The following CDC42EP4 variants were observed in gnomAD, a reference collection of about 807,000 sequenced individuals.
The protein encoded by CDC42EP4 is CDC42 effector protein (Rho GTPase binding) 4.
A neutral mutation model predicts 5.6 loss-of-function variants in CDC42EP4; 6 were observed. The ratio of observed to expected loss-of-function variants is 1.07; its 90% confidence interval spans 0.59 to 2.12. CDC42EP4 has a LOEUF of 2.12. Ranked by LOEUF, CDC42EP4 falls within the 30% of genes most tolerant of loss-of-function variation. CDC42EP4 has a pLI of 0.00. For synonymous variants in CDC42EP4, 230 were observed against 224.2 expected, an observed-to-expected ratio of 1.03 and a Z score of -0.23; for missense variants, 490 against 508.6, an observed-to-expected ratio of 0.96 and a Z score of 0.35.
At chr17:73,301,058 A>T (rs1196097101) in intron 1 of CDC42EP4, among the ~76,000 whole-genome samples, 1 of 131,802 alleles carries the variant, frequency 7.6e-6, no homozygotes, top group Admixed American at 8.0e-5. Context: ...AAAAAAATTA[A>T]AAAAAAAAAA....
intron 1 of CDC42EP4, among the ~76,000 whole-genome samples, chr17:73,297,471 C>G (rs1209323435): frequency 6.6e-6 from 1 of 151,418 alleles, no homozygotes; most frequent in Non-Finnish European, 1.5e-5. Flanking sequence ...GAGACTCTGT[C>G]TCAAAAAAAA....
intron 1 of CDC42EP4, among the ~76,000 whole-genome samples, chr17:73,303,689 C>T (rs1019235989): frequency 2.0e-5 from 3 of 151,590 alleles, no homozygotes; most frequent in African/African-American, 7.3e-5. Flanking sequence ...AAATTAATTC[C>T]CCCTTCCTTT....
chr17:73,304,890 G>A lies in CDC42EP4; in HGVS notation c.-113+7003C>T, dbSNP rs570761323. On this transcript the variant is annotated intron_variant, in intron 1 of 1. Coordinates refer to ENST00000335793, the MANE Select transcript of CDC42EP4 (RefSeq NM_012121.5). Reference sequence around the variant, plus strand: ...AGCCCAACACCCCAGGTCCATCCAGGGGAGCCTCCTGCTCCTTGTGGGCTG... The same window carrying A: ...AGCCCAACACCCCAGGTCCATCCAGAGGAGCCTCCTGCTCCTTGTGGGCTG... Among the ~76,000 whole-genome samples, 16 of 152,256 alleles carry A rather than the reference G, an allele frequency of 1.1e-4. No homozygotes were observed. In the South Asian group the frequency reaches 3.3e-3, roughly 32 times the overall value.
intron 1 of CDC42EP4, among the ~76,000 whole-genome samples, chr17:73,295,170 A>AT (rs1445294740): frequency 6.6e-6 from 1 of 152,140 alleles, no homozygotes; most frequent in Non-Finnish European, 1.5e-5. Context: ...ACTGTGTCAC[A>AT]TGACTCCCAC....
At chr17:73,294,266 C>T (rs535052081) in intron 1 of CDC42EP4, among the ~76,000 whole-genome samples, 2 of 152,102 alleles carry the variant, frequency 1.3e-5, no homozygotes, top group Non-Finnish European at 2.9e-5. Flanking sequence ...CAGGGAGAAT[C>T]GCTTGAACCC....
chr17:73,308,879 C>CA (rs920582466), intron 1 of CDC42EP4, among the ~76,000 whole-genome samples: 40 of 147,996 alleles, frequency 2.7e-4, no homozygotes, highest in African/African-American at 9.0e-4. Context: ...TACTAAAATA[C>CA]AAAAAAAAAT....
rs774101075 is a variant in CDC42EP4 at position 73,286,326 on chromosome 17, C to T, written c.175G>A (p.Glu59Lys). The change falls in exon 2 of 2, where the codon GAG becomes AAG. Residue 59 changes from glutamate to lysine, a missense_variant. Physicochemically the swap from Glu to Lys is moderately conservative, Grantham distance 56. Coordinates refer to ENST00000335793, the MANE Select transcript of CDC42EP4 (RefSeq NM_012121.5). The surrounding 1 kb of genome is among the most constrained non-coding windows in gnomAD (Gnocchi z 7.7). ...TCGTCCAAGGACTCGCCGTCGGGCT[C>T]GCCAGCCTTGCTATTGAGGAAGGAG... Reference protein sequence around the residue: ...DTSFLNSKAGEPDGESLDEQP... With the variant: ...DTSFLNSKAGKPDGESLDEQP... 14 of 1,614,150 alleles carry T rather than the reference C, an allele frequency of 8.7e-6. No individual in the cohort carries two copies. Among genetic ancestry groups the T allele is most frequent in the Admixed American group, 1.7e-5 (1 of 60,034 alleles).
At chr17:73,309,725 A>T (rs2062263693) in intron 1 of CDC42EP4, 1 of 152,374 alleles carries the variant, frequency 6.6e-6, no homozygotes, top group Admixed American at 6.5e-5. Context: ...GACTTCAGGG[A>T]GATTTCAGAG....
intron 1 of CDC42EP4, among the ~76,000 whole-genome samples, chr17:73,300,382 G>A (rs2062212186): frequency 6.6e-6 from 1 of 152,186 alleles, no homozygotes; most frequent in South Asian, 2.1e-4. Context: ...TACTGGGAAG[G>A]GGGGTGAATC....
At chr17:73,306,681 C>T (rs2062245534) in intron 1 of CDC42EP4, 1 of 152,234 alleles carries the variant, frequency 6.6e-6, no homozygotes, top group Non-Finnish European at 1.5e-5. Context: ...AAGCCTTAAG[C>T]CCAATTCCAG....
chr17:73,308,033 T>G (rs1004720355), intron 1 of CDC42EP4, among the ~76,000 whole-genome samples: 4 of 152,090 alleles, frequency 2.6e-5, no homozygotes, highest in Non-Finnish European at 5.9e-5. Flanking sequence ...TGAGCCACTG[T>G]GCCCGGCCCT....
Position 73,284,536 on chromosome 17 carries a change from C to G in CDC42EP4, c.*894G>C, listed in dbSNP as rs1013215461. ...CCACGGATGTCCCCAGACTCCAGTC[C>G]GCTAATCGCCACCAGACTCCAGTCC... On this transcript the variant is annotated 3_prime_UTR_variant, in exon 2 of 2. Transcript: ENST00000335793. 1 of 151,544 alleles carries G rather than the reference C, an allele frequency of 6.6e-6. No homozygotes were observed. Among genetic ancestry groups the G allele is most frequent in the Non-Finnish European group, 1.5e-5 (1 of 67,968 alleles). 9.4% of individuals were successfully genotyped at this position (151,544 alleles called of 1,614,324 possible). A position where few individuals can be genotyped will look rare whatever the true frequency, so the allele number is the denominator to read the frequency against.
At chr17:73,302,765 G>T (rs1049855781) in intron 1 of CDC42EP4, among the ~76,000 whole-genome samples, 11 of 151,862 alleles carry the variant, frequency 7.2e-5, no homozygotes, top group Non-Finnish European at 1.0e-4. Context: ...ACAATTGGCC[G>T]GGCGCGGTGG....
At chr17:73,304,514 C>T (rs1454985577) in intron 1 of CDC42EP4, among the ~76,000 whole-genome samples, 1 of 151,946 alleles carries the variant, frequency 6.6e-6, no homozygotes, top group Non-Finnish European at 1.5e-5. Flanking sequence ...ACTATCATCC[C>T]CAGCTCACAG....
chr17:73,310,584 GGAGA>G (rs145827325), intron 1 of CDC42EP4, among the ~76,000 whole-genome samples: 1 of 152,032 alleles, frequency 6.6e-6, no homozygotes, highest in South Asian at 2.1e-4. Context: ...TGGGAGTCGT[GGAGA>G]GAGAGAAGTT....
intron 1 of CDC42EP4, among the ~76,000 whole-genome samples, chr17:73,307,639 AG>A (rs2062251005): frequency 6.6e-6 from 1 of 151,492 alleles, no homozygotes; most frequent in Non-Finnish European, 1.5e-5. Context: ...TAGTAGAGAC[AG>A]GGTTTCACTG....
At chr17:73,307,816 A>G (rs2062252442) in intron 1 of CDC42EP4, among the ~76,000 whole-genome samples, 1 of 138,070 alleles carries the variant, frequency 7.2e-6, no homozygotes, top group African/African-American at 2.7e-5. Context: ...ATGCTGGAGT[A>G]CAGCAACCTC....
chr17:73,285,645 A>G lies in CDC42EP4; in HGVS notation c.856T>C (p.Trp286Arg). The G allele has an allele frequency of 6.3e-7, 1 of 1,592,812 alleles. No homozygotes were observed. The highest frequency in any genetic ancestry group is 8.6e-7 in the Non-Finnish European group (1 of 1,167,472). Residue 286 changes from tryptophan to arginine, a missense_variant, in exon 2 of 2, where the codon TGG becomes CGG. By Grantham distance (101) the Trp-to-Arg change is moderately radical. Coordinates refer to ENST00000335793, the MANE Select transcript of CDC42EP4 (RefSeq NM_012121.5). The surrounding 1 kb of genome is among the most constrained non-coding windows in gnomAD (Gnocchi z 6.8). ...CCGGGGCTGGGGGCCGCTGCTGCCC[A>G]CCCCTCATCCTCCAGAGCATGGGAG... ...LPSHALEDEG[W>R]AAAAPSPGSA...
At chr17:73,295,615 G>C (rs1009592557) in intron 1 of CDC42EP4, among the ~76,000 whole-genome samples, 1 of 152,044 alleles carries the variant, frequency 6.6e-6, no homozygotes, top group African/African-American at 2.4e-5. Flanking sequence ...AATAAATGAT[G>C]GTTTTGGCCA....
Sources: allele counts gnomAD v4.1 joint callset (sites outside exome capture counted in the v4.1 genomes callset), GRCh38; gene constraint gnomAD v4.1.1; non-coding constraint Gnocchi (gnomAD v3.1); transcripts MANE v1.5; gene names NCBI Gene and HGNC (gene_info 2026-07-23, HGNC 2026-07-21).